FARP1: variants seen among roughly 807,000 people sequenced by gnomAD.
The protein encoded by FARP1 is FERM, ARHGEF and pleckstrin domain-containing protein 1.
FARP1 carries 52 observed loss-of-function variants against 128.8 expected under a neutral mutation model. The ratio of observed to expected loss-of-function variants is 0.40; its 90% CI spans 0.32 to 0.51. The LOEUF (loss-of-function observed/expected upper bound fraction) is 0.51. Ranked by LOEUF, FARP1 falls within the 20% of genes least tolerant of loss-of-function variation. The probability of loss-of-function intolerance (pLI) is 0.45; values close to 1 mark genes in which losing one functional copy is unlikely to be tolerated. For missense variants in FARP1, 1,333 were observed against 1,367.9 expected, an observed-to-expected ratio of 0.97 and a Z score of 0.40; for synonymous variants, 580 against 551.8, an observed-to-expected ratio of 1.05 and a Z score of -0.72.
At chr13:98,143,706 G>A (rs1875260236) in intron 1 of FARP1, among the ~76,000 whole-genome samples, 2 of 149,012 alleles carry the variant, frequency 1.3e-5, no homozygotes, top group African/African-American at 5.0e-5. Flanking sequence ...GAGCTCGGGG[G>A]CCTCGGGGCT....
At position 98,368,548 on chromosome 13, in the gene FARP1, A is replaced by C. The variant is rs1411627543; in HGVS notation, c.398+353A>C. Among the ~76,000 whole-genome samples the C allele has an allele frequency of 1.1e-4, 16 of 152,312 alleles. No homozygotes were observed. In the East Asian group the frequency reaches 3.1e-3, roughly 29 times the overall value. ...CTCAGAGTTTGTCTTTGCCGCTGCC[A>C]TGGGTGGTAGATTTGGCAGGAACTG... On this transcript the variant is annotated intron_variant, in intron 5 of 26. Coordinates refer to ENST00000319562, the MANE Select transcript of FARP1 (RefSeq NM_005766.4).
Position 98,318,682 on chromosome 13 carries a change from G to A in FARP1, c.172-25080G>A, listed in dbSNP as rs559478451. On this transcript the variant is annotated intron_variant, in intron 2 of 26. Coordinates refer to ENST00000319562, the MANE Select transcript of FARP1 (RefSeq NM_005766.4). ...GCATGGCGCCAGGTTGGGAGGGAGA[G>A]CTGGTTGCCCAGACTGCCACCACCC... Among the ~76,000 whole-genome samples the A allele has an allele frequency of 2.0e-5, 3 of 152,310 alleles. No homozygotes were observed. The East Asian group carries it at 5.8e-4, about 29-fold the overall frequency.
intron 2 of FARP1, among the ~76,000 whole-genome samples, chr13:98,337,538 C>CGTGTGTGT (rs60625244): frequency 0.028 from 3,635 of 132,050 alleles, 86 homozygotes; most frequent in East Asian, 0.13. Flanking sequence ...TCTGTGTAGC[C>CGTGTGTGT]GTGTGTGTGT....
intron 1 of FARP1, among the ~76,000 whole-genome samples, chr13:98,145,408 T>G (rs1875454595): frequency 6.6e-6 from 1 of 152,246 alleles, no homozygotes; most frequent in Admixed American, 6.5e-5. Context: ...ATTTATTCCT[T>G]GCTTCATAAT....
At chr13:98,219,247 G>C (rs1391673447) in intron 2 of FARP1, among the ~76,000 whole-genome samples, 1 of 152,142 alleles carries the variant, frequency 6.6e-6, no homozygotes, top group Non-Finnish European at 1.5e-5. Flanking sequence ...TTTCCTCTTT[G>C]TGGCCCTGCA....
At position 98,176,706 on chromosome 13, in the gene FARP1, T is replaced by C. The variant is rs1878073304; in HGVS notation, c.-24+33214T>C. On this transcript the variant is annotated intron_variant, in intron 1 of 26. Transcript: ENST00000319562. This position sits in a 1 kb window ranked among gnomAD's most constrained non-coding sequence, Gnocchi z 6.2. ...TGGCGCGCAGATGCCCTGGCGCACG[T>C]ATGGGGCCCTTCCTCGCCATCCCCG... 1.9e-6 allele frequency: 3 copies of C among 1,614,040 alleles called. 1 individual carries two copies. The highest frequency in any genetic ancestry group is 3.3e-5 in the Admixed American group (2 of 60,000).
At chr13:98,207,911 CACACA>C (rs1880380904) in intron 1 of FARP1, among the ~76,000 whole-genome samples, 1 of 65,760 alleles carries the variant, frequency 1.5e-5, no homozygotes, top group Non-Finnish European at 3.7e-5. Flanking sequence ...ACCACCTCCA[CACACA>C]CACACACACA....
intron 1 of FARP1, among the ~76,000 whole-genome samples, chr13:98,161,512 C>G (rs1267035254): frequency 6.6e-6 from 1 of 151,886 alleles, no homozygotes; most frequent in South Asian, 2.1e-4. Flanking sequence ...CCACCATGCT[C>G]GGCAGCTTCA....
chr13:98,308,882 T>G (rs1439261892), intron 2 of FARP1, among the ~76,000 whole-genome samples: 1 of 152,052 alleles, frequency 6.6e-6, no homozygotes, highest in Non-Finnish European at 1.5e-5. Flanking sequence ...TTCACCACGT[T>G]GCCCAGGCTG....
chr13:98,384,119 C>G (rs1889997465), intron 6 of FARP1: 1 of 147,866 alleles, frequency 6.8e-6, no homozygotes, highest in Non-Finnish European at 1.5e-5. Flanking sequence ...AAGAACCTCC[C>G]CAGGCGGATG....
At chr13:98,226,930 C>A (rs760456127) in intron 2 of FARP1, among the ~76,000 whole-genome samples, 2 of 151,862 alleles carry the variant, frequency 1.3e-5, no homozygotes, top group African/African-American at 2.4e-5. Flanking sequence ...AATCATGTTG[C>A]ATTTCTTTCT....
At chr13:98,212,305 C>T (rs971516126) in intron 1 of FARP1, among the ~76,000 whole-genome samples, 4 of 152,200 alleles carry the variant, frequency 2.6e-5, no homozygotes, top group African/African-American at 9.6e-5. Context: ...ATTCACCCAC[C>T]TTGGCCTCCG....
intron 17 of FARP1, among the ~76,000 whole-genome samples, chr13:98,429,130 A>T (rs1027045393): frequency 7.9e-5 from 12 of 152,236 alleles, no homozygotes; most frequent in Admixed American, 2.0e-4. Flanking sequence ...ACAGAAAGTC[A>T]TGAAATCAAC....
At chr13:98,361,722 C>T (rs1030511149) in intron 3 of FARP1, among the ~76,000 whole-genome samples, 6 of 152,182 alleles carry the variant, frequency 3.9e-5, no homozygotes, top group Admixed American at 2.0e-4. Flanking sequence ...AGGTGAACCT[C>T]CTTCAATCTG....
At chr13:98,397,493 T>A (rs1404329610) in intron 13 of FARP1, 1 of 152,082 alleles carries the variant, frequency 6.6e-6, no homozygotes, top group Non-Finnish European at 1.5e-5. Context: ...AAAAAGAAAA[T>A]GTAAGGAGAG....
At position 98,287,204 on chromosome 13, in the gene FARP1, A is replaced by AGGCCTTTTTTT. The variant is rs1327624660; in HGVS notation, c.172-56558_172-56557insGGCCTTTTTTT. ...GTCCTTTCCAAATTAACCATCAGACATGTCTTTTTTTTTTTTTTTTTTTTT... is the reference window on the plus strand; with the variant it reads ...GTCCTTTCCAAATTAACCATCAGACAGGCCTTTTTTTTGTCTTTTTTTTTTTTTTTTTTTTT... On this transcript the variant is annotated intron_variant, in intron 2 of 26. Transcript: ENST00000319562. 7.0e-5 allele frequency among the ~76,000 whole-genome samples: 8 copies of AGGCCTTTTTTT among 114,814 alleles called. 1 individual carries two copies. Among genetic ancestry groups the AGGCCTTTTTTT allele is most frequent in the Non-Finnish European group, 7.4e-5 (4 of 54,378 alleles). 75.3% of individuals were successfully genotyped at this position (114,814 alleles called of 152,430 possible).
chr13:98,257,614 A>G (rs1228729988), intron 2 of FARP1, among the ~76,000 whole-genome samples: 8 of 152,210 alleles, frequency 5.3e-5, no homozygotes, highest in South Asian at 4.1e-4. Context: ...TACTAAAGAT[A>G]CAAAAATTAG....
chr13:98,246,615 C>T (rs961663696), intron 2 of FARP1, among the ~76,000 whole-genome samples: 2 of 151,948 alleles, frequency 1.3e-5, no homozygotes, highest in African/African-American at 2.4e-5. Flanking sequence ...ATACTCCCTC[C>T]TTCTCCTCTG....
At chr13:98,247,562 A>G (rs1460153989) in intron 2 of FARP1, among the ~76,000 whole-genome samples, 1 of 152,082 alleles carries the variant, frequency 6.6e-6, no homozygotes, top group Non-Finnish European at 1.5e-5. Context: ...TTGAACTAAC[A>G]TGGGAGGAGG....
Sources: allele counts gnomAD v4.1 joint callset (sites outside exome capture counted in the v4.1 genomes callset), GRCh38; gene constraint gnomAD v4.1.1; non-coding constraint Gnocchi (gnomAD v3.1); transcripts MANE v1.5; gene names NCBI Gene and HGNC (gene_info 2026-07-23, HGNC 2026-07-21).